Variants in HEPH observed in about 807,000 individuals in gnomAD.
HEPH encodes the protein hephaestin.
In HEPH, 69 loss-of-function variants were observed where a neutral mutation model predicts 80.8. That is an observed-to-expected ratio of 0.85 (90% CI 0.70 to 1.04). HEPH has a LOEUF of 1.04. Among genes scored for constraint, HEPH ranks in the 50% least tolerant of loss-of-function variants. The pLI is 0.00. For missense variants in HEPH, 1,115 were observed against 891.3 expected (o/e 1.25, Z -3.20); for synonymous variants, 431 against 322.8 (o/e 1.34, Z -3.60).
chrX:66,250,101 C>T (rs1329578362), intron 15 of HEPH, among the ~76,000 whole-genome samples: 1 of 111,334 alleles, frequency 9.0e-6, no homozygotes, highest in African/African-American at 3.3e-5. Context: ...TAGCACTTAT[C>T]CCACCTTGTA....
intron 15 of HEPH, among the ~76,000 whole-genome samples, chrX:66,233,426 C>A (rs1339991371): frequency 1.8e-5 from 2 of 111,364 alleles, no homozygotes; most frequent in Non-Finnish European, 3.8e-5. Flanking sequence ...CTTTGTAGTG[C>A]TTTGGCTGAG....
intron 15 of HEPH, among the ~76,000 whole-genome samples, chrX:66,209,511 G>T (rs778691170): frequency 8.9e-6 from 1 of 111,896 alleles, no homozygotes; most frequent in African/African-American, 3.2e-5. Context: ...TGAAGGTAAA[G>T]TACAGTATGG....
chrX:66,268,314 G>A (rs1275028978), downstream of HEPH: 1 of 112,276 alleles, frequency 8.9e-6, no homozygotes, highest in African/African-American at 3.2e-5. Context: ...TCACAGAGCT[G>A]GTGTTCAGTT....
chrX:66,181,038 T>G (rs766726378), intron 4 of HEPH, among the ~76,000 whole-genome samples: 4,502 of 81,955 alleles, frequency 0.055, 457 homozygotes, highest in African/African-American at 0.22. Context: ...TCATCATTTT[T>G]TATGGCTGCA....
chrX:66,200,241 G>GGTGTGTGTGTGTGTGT (rs57136656), intron 11 of HEPH, among the ~76,000 whole-genome samples: 2,467 of 91,149 alleles, frequency 0.027, 128 homozygotes, highest in African/African-American at 0.11. Context: ...AGGAGAGATT[G>GGTGTGTGTGTGTGTGT]GTGTGTGTGT....
chrX:66,204,585 G>A (rs1322003791), intron 13 of HEPH, among the ~76,000 whole-genome samples: 1 of 112,080 alleles, frequency 8.9e-6, no homozygotes, highest in Non-Finnish European at 1.9e-5. Context: ...TAACTGGGCT[G>A]GACATTTTTT....
chrX:66,253,695 TTCA>T (rs2091078647), intron 15 of HEPH, among the ~76,000 whole-genome samples: 1 of 112,226 alleles, frequency 8.9e-6, no homozygotes, highest in Non-Finnish European at 1.9e-5. Context: ...GACCCAAATG[TTCA>T]TCAACTGAAG....
intron 15 of HEPH, among the ~76,000 whole-genome samples, chrX:66,250,042 G>A (rs147467680): frequency 1.2e-3 from 130 of 111,157 alleles, no homozygotes; most frequent in African/African-American, 4.1e-3. Flanking sequence ...GGAGTCAGGA[G>A]GAACCTGATT....
chrX:66,196,911 AT>A (rs1425820825), intron 9 of HEPH, among the ~76,000 whole-genome samples: 1 of 107,519 alleles, frequency 9.3e-6, no homozygotes, highest in Admixed American at 9.9e-5. Flanking sequence ...TTTTTTTCAA[AT>A]TTTGTCTATA....
intron 8 of HEPH, among the ~76,000 whole-genome samples, chrX:66,194,617 G>C (rs1352432123): frequency 9.0e-6 from 1 of 111,542 alleles, no homozygotes; most frequent in Non-Finnish European, 1.9e-5. Flanking sequence ...AATTCTCTTT[G>C]CTCAGAATTG....
rs1241262587 is a variant in HEPH, at chrX:66,199,542, T to A, written c.1864+514T>A. Among the ~76,000 whole-genome samples the A allele has an allele frequency of 4.5e-5, 5 of 111,968 alleles. No homozygotes were observed. In the Admixed American group the frequency reaches 4.7e-4, roughly 11 times the overall value. ...TGAGCAAAGTTCATTCCAGTTAGAA[T>A]TTACTGAGCGCCTAATTGGTACTAG... On this transcript the variant is annotated intron_variant, in intron 11 of 20. Coordinates refer to ENST00000343002, the MANE Select transcript of HEPH (RefSeq NM_001367233.3).
At position 66,203,503 on chromosome X, in the gene HEPH, A is replaced by C; in HGVS notation, c.2217A>C (p.Ala739=). The C allele has an allele frequency of 2.5e-6, 3 of 1,211,890 alleles. No homozygotes were observed. Among genetic ancestry groups the C allele is most frequent in the Non-Finnish European group, 3.4e-6 (3 of 895,395 alleles). ...CTGCAAGAATCTACTATATCATGGC[A>C]GAAGAAGTAGAGTGGGACTATTGCC... ...YQAARIYYIM[A]EEVEWDYCPD... The change falls in exon 13 of 21, where the codon GCA becomes GCC. Residue 739 remains alanine (A), a synonymous_variant. Transcript: ENST00000343002.
chrX:66,172,917 G>A (rs1005700149), intron 3 of HEPH, among the ~76,000 whole-genome samples: 1 of 112,340 alleles, frequency 8.9e-6, no homozygotes, highest in East Asian at 2.8e-4. Context: ...TCTATGAAAA[G>A]AAAAGAGAAT....
At chrX:66,254,333 C>T (rs982417899) in intron 15 of HEPH, among the ~76,000 whole-genome samples, 16 of 110,630 alleles carry the variant, frequency 1.4e-4, no homozygotes, top group African/African-American at 4.9e-4. Context: ...TGTTGAATTA[C>T]GAAAGTGAAG....
chrX:66,200,164 T>C (rs1243525114), intron 11 of HEPH, among the ~76,000 whole-genome samples: 1 of 108,325 alleles, frequency 9.2e-6, no homozygotes, highest in East Asian at 2.9e-4. Context: ...ATCAGAGTGG[T>C]TGTAAAAGGA....
chrX:66,212,729 T>C (rs1247174517), intron 15 of HEPH, among the ~76,000 whole-genome samples: 2 of 111,768 alleles, frequency 1.8e-5, no homozygotes, highest in Non-Finnish European at 3.8e-5. Context: ...TTTAATATAT[T>C]TTGAAGTCAG....
At chrX:66,200,177 A>G (rs2088349218) in intron 11 of HEPH, among the ~76,000 whole-genome samples, 1 of 109,139 alleles carries the variant, frequency 9.2e-6, no homozygotes, top group Non-Finnish European at 1.9e-5. Flanking sequence ...TAAAAGGACC[A>G]GAAAGTATGT....
At chrX:66,178,955 T>A (rs1461950234) in intron 4 of HEPH, among the ~76,000 whole-genome samples, 1 of 112,036 alleles carries the variant, frequency 8.9e-6, no homozygotes. Flanking sequence ...TTTAGTTACA[T>A]CCCATTTGCC....
chrX:66,177,653 A>AT (rs935404655), intron 4 of HEPH, among the ~76,000 whole-genome samples: 6 of 109,801 alleles, frequency 5.5e-5, no homozygotes, highest in South Asian at 3.8e-4. Context: ...AATTTTATTT[A>AT]TTTTTTTCAA....
Sources: allele counts gnomAD v4.1 joint callset (sites outside exome capture counted in the v4.1 genomes callset), GRCh38; gene constraint gnomAD v4.1.1; transcripts MANE v1.5; gene names NCBI Gene and HGNC (gene_info 2026-07-23, HGNC 2026-07-21).